Variants in PCDHA2 observed in about 807,000 individuals in gnomAD.
The protein encoded by PCDHA2 is protocadherin alpha 2.
Under a neutral mutation model 66.0 loss-of-function variants are expected in PCDHA2, and 58 were observed. The ratio of observed to expected loss-of-function variants is 0.88; its 90% CI spans 0.71 to 1.09. The LOEUF (loss-of-function observed/expected upper bound fraction) is 1.09. PCDHA2 is among the 50% of genes least tolerant of loss of function. The pLI is 0.00. For synonymous variants in PCDHA2, 634 were observed against 554.0 expected, an observed-to-expected ratio of 1.14 and a Z score of -2.03; for missense variants, 1,267 against 1,242.3, an observed-to-expected ratio of 1.02 and a Z score of -0.30.
In PCDHA2 at chr5:141,011,084, C is replaced by T. The variant is rs928216799; in HGVS notation, c.*1147C>T. 1.3e-5 allele frequency: 2 copies of T among 153,722 alleles called. No homozygotes were observed. The highest frequency in any genetic ancestry group is 6.5e-5 in the Admixed American group (1 of 15,272). The allele number at this position is 153,722 out of a possible 1,614,324, so 9.5% of individuals were successfully genotyped here. A position where few individuals can be genotyped will look rare whatever the true frequency, so the allele number is the denominator to read the frequency against. ...CATGTATTACTAAATAAAATGATCT[C>T]TCTTTCTCTCTCTCTCTCTCTTTTC... On this transcript the variant is annotated 3_prime_UTR_variant, in exon 4 of 4. Coordinates refer to ENST00000526136, the MANE Select transcript of PCDHA2 (RefSeq NM_018905.3).
At position 140,859,256 on chromosome 5, in the gene PCDHA2, G is replaced by T. The variant is rs182882850; in HGVS notation, c.2388+61904G>T. ...TCATGCTTATGTTTAATAATGAAGA[G>T]AATTTGAACACTTTTTACTTTTGAG... is the stretch of plus-strand genomic sequence containing the variant. On this transcript the variant is annotated intron_variant, in intron 1 of 3. Coordinates refer to ENST00000526136, the MANE Select transcript of PCDHA2 (RefSeq NM_018905.3). The T allele has an allele frequency of 2.0e-4, 26 of 131,456 alleles. 1 individual carries two copies. The East Asian group carries it at 5.2e-3, about 26-fold the overall frequency. The allele number at this position is 131,456 out of a possible 1,614,324, so 8.1% of individuals were successfully genotyped here.
intron 1 of PCDHA2, chr5:140,823,567 C>A (rs2150126965): frequency 1.2e-6 from 2 of 1,613,944 alleles, no homozygotes; most frequent in South Asian, 2.2e-5. Context: ...CGCAGTGGAC[C>A]CTGATTCGGG....
intron 1 of PCDHA2, among the ~76,000 whole-genome samples, chr5:140,844,046 T>C (rs1373355795): frequency 1.1e-4 from 17 of 149,680 alleles, no homozygotes; most frequent in African/African-American, 3.9e-4. Flanking sequence ...GTGAAAGTAT[T>C]CCCCCAAAGC....
At chr5:140,983,228 A>T (rs1012242202) in intron 3 of PCDHA2, among the ~76,000 whole-genome samples, 4 of 152,240 alleles carry the variant, frequency 2.6e-5, no homozygotes, top group Non-Finnish European at 4.4e-5. Context: ...CCAAACTTTC[A>T]GGAAAGAGAA....
intron 1 of PCDHA2, among the ~76,000 whole-genome samples, chr5:140,923,800 T>C (rs1235494729): frequency 2.0e-5 from 3 of 152,178 alleles, no homozygotes; most frequent in Non-Finnish European, 4.4e-5. Flanking sequence ...TTTTCACAAA[T>C]GAAATCTTCT....
chr5:140,814,586 C>T (rs1049103796), intron 1 of PCDHA2: 3 of 151,932 alleles, frequency 2.0e-5, no homozygotes, highest in African/African-American at 7.3e-5. Flanking sequence ...AATTACTGTA[C>T]ATAATTGTAT....
chr5:140,898,980 G>A (rs2067076537), intron 1 of PCDHA2, among the ~76,000 whole-genome samples: 1 of 151,930 alleles, frequency 6.6e-6, no homozygotes, highest in South Asian at 2.1e-4. Flanking sequence ...CTCATGATTT[G>A]GCTCTCTGTT....
intron 1 of PCDHA2, among the ~76,000 whole-genome samples, chr5:140,912,376 G>A (rs2075897019): frequency 6.6e-6 from 1 of 151,474 alleles, no homozygotes; most frequent in African/African-American, 2.4e-5. Context: ...TTGTAAAAGG[G>A]ATTGAGTTCT....
At chr5:140,829,748 G>C in intron 1 of PCDHA2, 1 of 1,613,722 alleles carries the variant, frequency 6.2e-7, no homozygotes, top group Non-Finnish European at 8.5e-7. Context: ...GACGCTGCAG[G>C]TGTTCGTGCT....
intron 1 of PCDHA2, among the ~76,000 whole-genome samples, chr5:140,909,316 G>C (rs2074435468): frequency 6.6e-6 from 1 of 152,198 alleles, no homozygotes; most frequent in Non-Finnish European, 1.5e-5. Flanking sequence ...AAAGGCATTT[G>C]CCAAATCAAT....
chr5:140,797,320 A>T lies in PCDHA2; in HGVS notation c.2356A>T (p.Lys786Ter), dbSNP rs782081459. Residue 786 changes from lysine to a stop codon, truncating the protein, a stop_gained, in exon 1 of 4, where the codon AAA becomes TAA. Coordinates refer to ENST00000526136, the MANE Select transcript of PCDHA2 (RefSeq NM_018905.3). LOFTEE classifies it high-confidence loss of function. ...TCAAGGTCCAGACTCCGCAGAAGAG[A>T]AACAGCTCTCAGAATCAGAATACGT... ...LSQGPDSAEE[K>*]QLSESEYVGK... The T allele has an allele frequency of 1.2e-6, 2 of 1,614,212 alleles. No homozygotes were observed. Among genetic ancestry groups the T allele is most frequent in the South Asian group, 1.1e-5 (1 of 91,086 alleles).
At chr5:140,816,507 T>TTG (rs2126672374) in intron 1 of PCDHA2, 46,838 of 149,332 alleles carry the variant, frequency 0.31, 7,468 homozygotes, top group East Asian at 0.5. Flanking sequence ...GGAGGTGTGT[T>TTG]TGTGTGTGTG....
At chr5:140,919,404 T>C (rs1554199054) in intron 1 of PCDHA2, among the ~76,000 whole-genome samples, 1 of 152,218 alleles carries the variant, frequency 6.6e-6, no homozygotes, top group African/African-American at 2.4e-5. Context: ...TCCTAAAAAC[T>C]CTAGACTGAC....
chr5:140,809,014 C>G (rs1562221741), intron 1 of PCDHA2: 2 of 1,613,716 alleles, frequency 1.2e-6, no homozygotes, highest in Non-Finnish European at 1.7e-6. Context: ...GGCTTTCGTA[C>G]GAGCTGCAGC....
chr5:140,999,786 G>A (rs1050666056), intron 3 of PCDHA2, among the ~76,000 whole-genome samples: 4 of 152,120 alleles, frequency 2.6e-5, no homozygotes, highest in African/African-American at 9.7e-5. Flanking sequence ...CCTAGAAATG[G>A]CAGAGTTATT....
At chr5:140,913,619 G>A (rs188632685) in intron 1 of PCDHA2, among the ~76,000 whole-genome samples, 1 of 151,848 alleles carries the variant, frequency 6.6e-6, no homozygotes, top group Non-Finnish European at 1.5e-5. Context: ...TACTAATTTT[G>A]GATTCAGTTT....
At position 141,009,895 on chromosome 5, in the gene PCDHA2, A is replaced by G; in HGVS notation, c.2805A>G (p.Lys935=). ...AGAAGGGTAACAAGACCCAGGAGAA[A>G]AAAGAGAAAGGGAACAGCACGACTG... ...KKKKGNKTQE[K]KEKGNSTTDN... The change falls in exon 4 of 4, where the codon AAA becomes AAG. Residue 935 remains lysine (K), a synonymous_variant. Coordinates refer to ENST00000526136, the MANE Select transcript of PCDHA2 (RefSeq NM_018905.3). 2 of 1,613,224 alleles carry G rather than the reference A, an allele frequency of 1.2e-6. No homozygotes were observed. Among genetic ancestry groups the G allele is most frequent in the Non-Finnish European group, 1.7e-6 (2 of 1,179,866 alleles).
chr5:140,847,580 C>G (rs1350641732), intron 1 of PCDHA2: 2 of 149,008 alleles, frequency 1.3e-5, no homozygotes, highest in African/African-American at 4.9e-5. Flanking sequence ...TAAGGATGAG[C>G]AATAATGAAA....
chr5:140,937,606 TACTC>T (rs1186588675), intron 1 of PCDHA2, among the ~76,000 whole-genome samples: 2 of 123,664 alleles, frequency 1.6e-5, no homozygotes, highest in Non-Finnish European at 3.5e-5. Context: ...AACAGAGTGA[TACTC>T]CATCTAAAAA....
Sources: allele counts gnomAD v4.1 joint callset (sites outside exome capture counted in the v4.1 genomes callset), GRCh38; gene constraint gnomAD v4.1.1; transcripts MANE v1.5; gene names NCBI Gene and HGNC (gene_info 2026-07-23, HGNC 2026-07-21).